Variants in TMEM135 observed in about 807,000 individuals in gnomAD.
TMEM135 encodes transmembrane protein 135, also known as peroxisomal membrane protein 52.
Under a neutral mutation model 60.3 loss-of-function variants are expected in TMEM135, and 30 were observed. The ratio of observed to expected loss-of-function variants is 0.50; its 90% CI spans 0.37 to 0.68. The LOEUF is 0.68. Ranked by LOEUF, TMEM135 falls within the 30% of genes least tolerant of loss-of-function variation. The probability of loss-of-function intolerance (pLI) is 0.00; values close to 1 mark genes in which losing one functional copy is unlikely to be tolerated. For missense variants in TMEM135, 468 were observed against 548.8 expected (o/e 0.85, Z 1.47); for synonymous variants, 190 against 186.7 (o/e 1.02, Z -0.14).
chr11:87,180,409 AGT>A (rs753998671), intron 5 of TMEM135, among the ~76,000 whole-genome samples: 2 of 151,902 alleles, frequency 1.3e-5, no homozygotes, highest in Non-Finnish European at 2.9e-5. Flanking sequence ...AAAGTATATG[AGT>A]GTGTGTGGAG....
chr11:87,045,291 A>C (rs1053570453), intron 1 of TMEM135, among the ~76,000 whole-genome samples: 1 of 151,992 alleles, frequency 6.6e-6, no homozygotes, highest in Non-Finnish European at 1.5e-5. Flanking sequence ...CGGCCTCCCA[A>C]AGTGCTGGGA....
chr11:87,056,698 G>A (rs1323834298), intron 1 of TMEM135, among the ~76,000 whole-genome samples: 1 of 152,134 alleles, frequency 6.6e-6, no homozygotes, highest in Non-Finnish European at 1.5e-5. Flanking sequence ...AGTAGTTACT[G>A]TTATCTGTGA....
chr11:87,079,067 A>G (rs922414327), intron 3 of TMEM135, among the ~76,000 whole-genome samples: 10 of 151,918 alleles, frequency 6.6e-5, no homozygotes, highest in Non-Finnish European at 1.2e-4. Context: ...GTGCAGTGGC[A>G]TGATCTTTGC....
chr11:87,121,947 C>T (rs1310918640), intron 4 of TMEM135, among the ~76,000 whole-genome samples: 1 of 152,124 alleles, frequency 6.6e-6, no homozygotes, highest in East Asian at 1.9e-4. Flanking sequence ...GCCTGAATGT[C>T]ATCTTAAGGG....
intron 6 of TMEM135, among the ~76,000 whole-genome samples, chr11:87,272,789 A>G (rs12293231): frequency 0.37 from 56,176 of 151,990 alleles, 11,065 homozygotes; most frequent in Non-Finnish European, 0.44. Flanking sequence ...TCTGATTGAT[A>G]CTCTGATTAA....
At chr11:87,075,997 A>G (rs1711902415) in intron 3 of TMEM135, among the ~76,000 whole-genome samples, 1 of 152,180 alleles carries the variant, frequency 6.6e-6, no homozygotes, top group Non-Finnish European at 1.5e-5. Flanking sequence ...ACTTGAAGCT[A>G]GCACAGCAGT....
intron 5 of TMEM135, among the ~76,000 whole-genome samples, chr11:87,217,231 C>T (rs1292779801): frequency 2.0e-5 from 3 of 152,180 alleles, no homozygotes; most frequent in African/African-American, 7.2e-5. Flanking sequence ...ACCAATTTCT[C>T]TATATCCCAT....
intron 6 of TMEM135, among the ~76,000 whole-genome samples, chr11:87,248,741 T>C (rs559115): frequency 0.66 from 100,045 of 151,834 alleles, 33,548 homozygotes; most frequent in Non-Finnish European, 0.71. Context: ...TCTTATAATC[T>C]ATGAACATGG....
intron 6 of TMEM135, among the ~76,000 whole-genome samples, chr11:87,240,368 T>A (rs960610777): frequency 1.3e-5 from 2 of 152,002 alleles, no homozygotes; most frequent in African/African-American, 4.8e-5. Context: ...TTTCTATCGA[T>A]TTTGGCCAAG....
At chr11:87,157,228 G>T (rs1477450454) in intron 4 of TMEM135, 113 bp from the exon 5 acceptor site, 9 of 969,834 alleles carry the variant, frequency 9.3e-6, no homozygotes, top group Non-Finnish European at 1.3e-5. Context: ...TTCTCTAGAA[G>T]TTGCTGGATA....
intron 4 of TMEM135, chr11:87,121,720 A>T (rs1476906169): frequency 6.8e-6 from 1 of 146,218 alleles, no homozygotes; most frequent in Non-Finnish European, 1.5e-5. Flanking sequence ...GGCTCACTGC[A>T]ACCTCCACCT....
intron 5 of TMEM135, among the ~76,000 whole-genome samples, chr11:87,204,572 A>G (rs1308374223): frequency 2.0e-5 from 3 of 152,314 alleles, no homozygotes; most frequent in Non-Finnish European, 4.4e-5. Context: ...TTTGTGTCAT[A>G]TGTATTATAT....
chr11:87,272,178 T>TACTC (rs1374511231), intron 6 of TMEM135, among the ~76,000 whole-genome samples: 1 of 150,936 alleles, frequency 6.6e-6, no homozygotes, highest in Non-Finnish European at 1.5e-5. Flanking sequence ...CTCAGCCTCC[T>TACTC]GAGTAGCTGA....
chr11:87,178,043 C>G (rs940714712), intron 5 of TMEM135, among the ~76,000 whole-genome samples: 1 of 152,142 alleles, frequency 6.6e-6, no homozygotes, highest in Non-Finnish European at 1.5e-5. Context: ...GTGTGTCCAC[C>G]AAGCCTCAGT....
intron 5 of TMEM135, among the ~76,000 whole-genome samples, chr11:87,212,846 T>C (rs535077531): frequency 6.8e-6 from 1 of 146,788 alleles, no homozygotes; most frequent in East Asian, 2.0e-4. Context: ...AAAAAAAGAA[T>C]ACAAATATTG....
intron 5 of TMEM135, among the ~76,000 whole-genome samples, chr11:87,165,785 AG>A (rs201878843): frequency 6.6e-6 from 1 of 150,948 alleles, no homozygotes; most frequent in African/African-American, 2.5e-5. Flanking sequence ...CCCTTCAAAA[AG>A]TAAATGAATC....
intron 5 of TMEM135, among the ~76,000 whole-genome samples, chr11:87,194,563 A>G (rs997810352): frequency 1.3e-5 from 2 of 152,086 alleles, no homozygotes; most frequent in Admixed American, 1.3e-4. Flanking sequence ...ATTTGTATGT[A>G]TGTGTATATA....
intron 5 of TMEM135, among the ~76,000 whole-genome samples, chr11:87,201,099 G>C (rs1177847546): frequency 6.6e-6 from 1 of 151,968 alleles, no homozygotes; most frequent in South Asian, 2.1e-4. Context: ...GCTAAGTACA[G>C]TTATTCCTGT....
intron 4 of TMEM135, among the ~76,000 whole-genome samples, chr11:87,100,577 C>G (rs111979957): frequency 4.6e-5 from 7 of 152,084 alleles, no homozygotes; most frequent in African/African-American, 1.7e-4. Context: ...GTATGTGTTT[C>G]TGATTTGGAA....
Sources: allele counts gnomAD v4.1 joint callset (sites outside exome capture counted in the v4.1 genomes callset), GRCh38; gene constraint gnomAD v4.1.1; transcripts MANE v1.5; gene names NCBI Gene and HGNC (gene_info 2026-07-23, HGNC 2026-07-21).